The following DENND5B variants were observed in gnomAD, a reference collection of about 807,000 sequenced individuals.
DENND5B encodes DENN domain containing 5B.
In DENND5B, 34 loss-of-function variants were observed where a neutral mutation model predicts 140.6. The ratio of observed to expected loss-of-function variants is 0.24; its 90% confidence interval spans 0.18 to 0.32. DENND5B has a LOEUF of 0.32. Ranked by LOEUF, DENND5B falls within the 10% of genes least tolerant of loss-of-function variation. The pLI, the probability that DENND5B is intolerant of heterozygous loss-of-function variation, is 1.00. For missense variants in DENND5B, 1,142 were observed against 1,560.2 expected (o/e 0.73, Z 4.52); for synonymous variants, 551 against 562.1 (o/e 0.98, Z 0.28).
chr12:31,451,894 A>G, intron 5 of DENND5B, 46 bp downstream of exon 5: 1 of 1,592,686 alleles, frequency 6.3e-7, no homozygotes, highest in Non-Finnish European at 8.6e-7. Flanking sequence ...AAAATCAATA[A>G]TAAAGCCACT....
intron 1 of DENND5B, among the ~76,000 whole-genome samples, chr12:31,545,728 T>C (rs924126297): frequency 6.6e-6 from 1 of 151,698 alleles, no homozygotes; most frequent in Non-Finnish European, 1.5e-5. Context: ...CTAAGCCAGG[T>C]GGATGGCTTG....
At chr12:31,450,467 T>C (rs995343023) in intron 5 of DENND5B, among the ~76,000 whole-genome samples, 2 of 152,018 alleles carry the variant, frequency 1.3e-5, no homozygotes, top group East Asian at 1.9e-4. Context: ...TCAAGTGATC[T>C]CACCTCAGCC....
chr12:31,442,829 C>G lies in DENND5B; in HGVS notation c.1958G>C (p.Gly653Ala). ...MKIGQGKYEQ[G>A]FFPKLQSDVL... Reference sequence around the variant, plus strand: ...ATCGGACTGTAACTTTGGAAAGAACCCCTGCTCATATTTGCCTTGACCAAT... The same window carrying G: ...ATCGGACTGTAACTTTGGAAAGAACGCCTGCTCATATTTGCCTTGACCAAT... The change falls in exon 7 of 21, where the codon GGG becomes GCG. Residue 653 changes from glycine to alanine, a missense_variant. Gly to Ala is a moderately conservative substitution (Grantham distance 60, BLOSUM62 0). This residue lies in a region of DENND5B where 708 missense variants were observed against 905.5 expected (regional missense o/e 0.78). Transcript: ENST00000389082. The G allele has an allele frequency of 1.9e-6, 3 of 1,613,560 alleles. No homozygotes were observed. Among genetic ancestry groups the G allele is most frequent in the Non-Finnish European group, 2.5e-6 (3 of 1,179,778 alleles).
At position 31,579,351 on chromosome 12, in the gene DENND5B, T is replaced by C. The variant is rs1480496634; in HGVS notation, c.127+11355A>G. Among the ~76,000 whole-genome samples the C allele has an allele frequency of 3.9e-5, 6 of 152,264 alleles. No individual in the cohort carries two copies. In the East Asian group the frequency reaches 1.2e-3, roughly 29 times the overall value. Reference sequence around the variant, plus strand: ...TTACCTCCTCACACTCAACCAGTCATCGCTGCATTTTGTTTGAAAAGTAAT... The same window carrying C: ...TTACCTCCTCACACTCAACCAGTCACCGCTGCATTTTGTTTGAAAAGTAAT... On this transcript the variant is annotated intron_variant, in intron 1 of 20. Transcript: ENST00000389082.
chr12:31,459,364 A>C (rs1474805020), intron 4 of DENND5B, among the ~76,000 whole-genome samples: 1 of 152,170 alleles, frequency 6.6e-6, no homozygotes, highest in Non-Finnish European at 1.5e-5. Context: ...ATCTTGGCTT[A>C]CTGAAACCTA....
chr12:31,387,711 A>G lies in DENND5B; in HGVS notation c.3717T>C (p.Ala1239=). The change falls in exon 21 of 21, where the codon GCT becomes GCC. Residue 1239 remains alanine, a synonymous_variant. Coordinates refer to ENST00000389082, the MANE Select transcript of DENND5B (RefSeq NM_144973.4). ...TGACAGTCATGCGGTCTCGCAGGAGAGCGCTCTCTTCATACATTCGAGTGA... is the reference window on the plus strand; with the variant it reads ...TGACAGTCATGCGGTCTCGCAGGAGGGCGCTCTCTTCATACATTCGAGTGA... ...PAITRMYEES[A]LLRDRMTVNS... is the part of the protein sequence containing the mutation. 6.2e-7 allele frequency: 1 copy of G among 1,614,030 alleles called. No homozygotes were observed. The highest frequency in any genetic ancestry group is 8.5e-7 in the Non-Finnish European group (1 of 1,179,896).
At chr12:31,453,871 G>C (rs1039818981) in intron 4 of DENND5B, among the ~76,000 whole-genome samples, 6 of 152,150 alleles carry the variant, frequency 3.9e-5, no homozygotes, top group African/African-American at 1.4e-4. Flanking sequence ...GCCTAGCATG[G>C]TGCCTCATGC....
chr12:31,563,442 T>C, intron 1 of DENND5B, among the ~76,000 whole-genome samples: 1 of 152,212 alleles, frequency 6.6e-6, no homozygotes, highest in African/African-American at 2.4e-5. Context: ...TCCATTCCTG[T>C]GTAAAGCAGA....
chr12:31,587,526 CTTTTTTTTTTTTTTTTTTTTTTTTTTTT>C (rs71460995), intron 1 of DENND5B, among the ~76,000 whole-genome samples: 2,206 of 75,082 alleles, frequency 0.029, 89 homozygotes, highest in African/African-American at 0.1. Context: ...CCACAAATAC[CTTTTTTTTTTTTTTTTTTTTTTTTTTTT>C]TTTTTTTTTT....
chr12:31,450,537 T>C (rs1249153054), intron 5 of DENND5B, among the ~76,000 whole-genome samples: 5 of 151,980 alleles, frequency 3.3e-5, no homozygotes, highest in African/African-American at 4.8e-5. Context: ...TAAAATTTTT[T>C]GTAGAGATGA....
chr12:31,411,671 C>A (rs776979542), intron 13 of DENND5B, among the ~76,000 whole-genome samples: 3 of 151,796 alleles, frequency 2.0e-5, no homozygotes, highest in Admixed American at 6.6e-5. Context: ...GAAAAAAAAA[C>A]CACGCCAGTT....
intron 3 of DENND5B, among the ~76,000 whole-genome samples, chr12:31,468,650 T>A (rs552382190): frequency 0.13 from 18,232 of 143,344 alleles, 1,219 homozygotes; most frequent in East Asian, 0.26. Flanking sequence ...TTTCAAAAAA[T>A]AAAAAAAAAA....
rs201184078 is a variant in DENND5B, at chr12:31,399,144, AAGAG to A, written c.3068+506_3068+509del. 1.3e-4 allele frequency among the ~76,000 whole-genome samples: 18 copies of A among 136,526 alleles called. 3 individuals are homozygous for A. The highest frequency in any genetic ancestry group is 5.5e-4 in the African/African-American group (18 of 32,612). 89.6% of individuals were successfully genotyped at this position (136,526 alleles called of 152,430 possible). A position where few individuals can be genotyped will look rare whatever the true frequency, so the allele number is the denominator to read the frequency against. On this transcript the variant is annotated intron_variant, in intron 16 of 20. Coordinates refer to ENST00000389082, the MANE Select transcript of DENND5B (RefSeq NM_144973.4). ...TCTCAGCCCAAAAAAAAAAAAAAAA[AAGAG>A]AGAGAAAGAAAAAAAAAAGTTTTTT... is the stretch of plus-strand genomic sequence containing the variant.
chr12:31,569,060 C>CTTA (rs1434264981), intron 1 of DENND5B, among the ~76,000 whole-genome samples: 5 of 93,162 alleles, frequency 5.4e-5, no homozygotes, highest in Non-Finnish European at 1.0e-4. Context: ...AGCAACATAC[C>CTTA]TTTTTTTTTT....
intron 13 of DENND5B, among the ~76,000 whole-genome samples, chr12:31,412,592 C>T (rs1370349009): frequency 6.6e-6 from 1 of 152,158 alleles, no homozygotes; most frequent in Non-Finnish European, 1.5e-5. Context: ...GTAATGCTTG[C>T]TTGCCCTCGG....
chr12:31,499,922 G>A (rs1185306311), intron 1 of DENND5B, among the ~76,000 whole-genome samples: 1 of 152,116 alleles, frequency 6.6e-6, no homozygotes, highest in Non-Finnish European at 1.5e-5. Flanking sequence ...GTTTTGTATG[G>A]GAAATAGCAC....
At chr12:31,459,377 C>A (rs1391808608) in intron 4 of DENND5B, among the ~76,000 whole-genome samples, 1 of 152,118 alleles carries the variant, frequency 6.6e-6, no homozygotes, top group Admixed American at 6.5e-5. Context: ...GAAACCTATA[C>A]CTCTAGGGTT....
intron 1 of DENND5B, among the ~76,000 whole-genome samples, chr12:31,520,842 T>TAACAAC (rs66533164): frequency 8.6e-5 from 13 of 151,082 alleles, no homozygotes; most frequent in Admixed American, 5.9e-4. Flanking sequence ...TAAAAATAGT[T>TAACAAC]AACAACAACA....
At chr12:31,424,148 G>GA (rs1408468336) in intron 10 of DENND5B, among the ~76,000 whole-genome samples, 2 of 152,172 alleles carry the variant, frequency 1.3e-5, no homozygotes, top group East Asian at 3.9e-4. Context: ...GCACACATCA[G>GA]AAAAAAATCA....
Sources: allele counts gnomAD v4.1 joint callset (sites outside exome capture counted in the v4.1 genomes callset), GRCh38; gene constraint gnomAD v4.1.1; regional missense constraint gnomAD v4.1.1; transcripts MANE v1.5; gene names NCBI Gene and HGNC (gene_info 2026-07-23, HGNC 2026-07-21).